NEGR1: variants seen among roughly 807,000 people sequenced by gnomAD.
NEGR1 encodes neuronal growth regulator 1, also known as IgLON family member 4.
Under a neutral mutation model 40.9 loss-of-function variants are expected in NEGR1, and 10 were observed. The observed-to-expected ratio is 0.24, with a 90% confidence interval of 0.15 to 0.42. The LOEUF (loss-of-function observed/expected upper bound fraction) is 0.42. Among genes scored for constraint, NEGR1 ranks in the 10% least tolerant of loss-of-function variants. The pLI is 1.00. For synonymous variants in NEGR1, 185 were observed against 166.8 expected (o/e 1.11, Z -0.84); for missense variants, 352 against 438.9 (o/e 0.80, Z 1.77).
intron 1 of NEGR1, among the ~76,000 whole-genome samples, chr1:71,968,801 T>A (rs550823516): frequency 6.6e-6 from 1 of 152,222 alleles, no homozygotes; most frequent in African/African-American, 2.4e-5. Context: ...GGCAAGTGAT[T>A]TTTTTAGATA....
chr1:71,455,176 A>G (rs551202553), intron 6 of NEGR1, among the ~76,000 whole-genome samples: 12 of 152,346 alleles, frequency 7.9e-5, no homozygotes, highest in African/African-American at 2.6e-4. Flanking sequence ...AATATTTTCT[A>G]CAATTCCAGG....
At chr1:71,689,555 G>A (rs1283474333) in intron 4 of NEGR1, among the ~76,000 whole-genome samples, 1 of 152,054 alleles carries the variant, frequency 6.6e-6, no homozygotes, top group African/African-American at 2.4e-5. Context: ...TTTTGAAAAA[G>A]CAGTTATGCT....
Position 71,520,142 on chromosome 1 carries a change from T to C in NEGR1, c.940+72675A>G, listed in dbSNP as rs566180155. Among the ~76,000 whole-genome samples the C allele has an allele frequency of 3.7e-4, 57 of 152,092 alleles. 1 individual carries two copies. Among genetic ancestry groups the C allele is most frequent in the Non-Finnish European group, 6.8e-4 (46 of 68,004 alleles). On this transcript the variant is annotated intron_variant, in intron 6 of 6. Coordinates refer to ENST00000357731, the MANE Select transcript of NEGR1 (RefSeq NM_173808.3). ...GTCAGACGAACTCTGACCATACTTA[T>C]TAGCTCTCTCAGCTTCAGATTCTTC...
rs146358912 is a variant in NEGR1 at position 71,813,483 on chromosome 1, G to T, written c.410-37186C>A. Among the ~76,000 whole-genome samples, 405 of 152,160 alleles carry T rather than the reference G, an allele frequency of 2.7e-3. 1 individual carries two copies. Among genetic ancestry groups the T allele is most frequent in the African/African-American group, 9.5e-3 (393 of 41,512 alleles). On this transcript the variant is annotated intron_variant, in intron 2 of 6. Transcript: ENST00000357731. ...AATTCTGTGAAGAATGTCAATGGTA[G>T]TTTAATGGAAATAGCATTGAATCTA...
chr1:71,722,445 G>A (rs1040118807), intron 3 of NEGR1, among the ~76,000 whole-genome samples: 2 of 151,860 alleles, frequency 1.3e-5, no homozygotes, highest in Non-Finnish European at 2.9e-5. Flanking sequence ...GTCATTAAGG[G>A]TATCTTATAC....
chr1:71,440,541 A>G (rs569685909), intron 6 of NEGR1, among the ~76,000 whole-genome samples: 6 of 152,224 alleles, frequency 3.9e-5, no homozygotes, highest in Non-Finnish European at 8.8e-5. Context: ...TGCAGTTATT[A>G]TATCACTTAT....
intron 3 of NEGR1, among the ~76,000 whole-genome samples, chr1:71,763,728 G>A (rs1656025136): frequency 1.4e-5 from 2 of 143,320 alleles, no homozygotes; most frequent in South Asian, 4.9e-4. Flanking sequence ...GAAAATAAAG[G>A]GCTGATGCAT....
intron 2 of NEGR1, among the ~76,000 whole-genome samples, chr1:71,818,752 G>T (rs2101772935): frequency 6.6e-6 from 1 of 151,858 alleles, no homozygotes; most frequent in Non-Finnish European, 1.5e-5. Flanking sequence ...ATCCAAGGAG[G>T]TAAATTTTTT....
At chr1:72,140,389 C>A (rs1381266706) in intron 1 of NEGR1, among the ~76,000 whole-genome samples, 2 of 151,988 alleles carry the variant, frequency 1.3e-5, no homozygotes, top group African/African-American at 4.8e-5. Context: ...TATCAAGATG[C>A]TGGCATCTGG....
chr1:71,899,243 C>T (rs757790479), intron 2 of NEGR1, among the ~76,000 whole-genome samples: 23 of 151,614 alleles, frequency 1.5e-4, no homozygotes, highest in Non-Finnish European at 2.4e-4. Context: ...GAATCCAGAA[C>T]GCAGATCTTA....
chr1:71,459,418 A>G (rs565729555), intron 6 of NEGR1, among the ~76,000 whole-genome samples: 1 of 152,328 alleles, frequency 6.6e-6, no homozygotes, highest in Admixed American at 6.5e-5. Flanking sequence ...AGTTCTAAGT[A>G]TGTCACTTCC....
chr1:72,014,957 T>C (rs1401286974), intron 1 of NEGR1, among the ~76,000 whole-genome samples: 1 of 152,080 alleles, frequency 6.6e-6, no homozygotes, highest in Non-Finnish European at 1.5e-5. Flanking sequence ...TTCAGGCATT[T>C]GGTTGTCATT....
chr1:71,481,959 T>C (rs1259282170), intron 6 of NEGR1, among the ~76,000 whole-genome samples: 1 of 151,852 alleles, frequency 6.6e-6, no homozygotes, highest in East Asian at 1.9e-4. Flanking sequence ...TACTTTAGTT[T>C]TTGGAAACTA....
At chr1:71,456,535 G>T (rs1464163147) in intron 6 of NEGR1, among the ~76,000 whole-genome samples, 1 of 152,152 alleles carries the variant, frequency 6.6e-6, no homozygotes, top group African/African-American at 2.4e-5. Flanking sequence ...GACTGTAAGG[G>T]TCCTGACTAT....
intron 1 of NEGR1, among the ~76,000 whole-genome samples, chr1:72,189,356 T>A (rs1652730881): frequency 6.6e-6 from 1 of 151,510 alleles, no homozygotes; most frequent in African/African-American, 2.4e-5. Context: ...TTACTCATAT[T>A]AATCTTATAC....
chr1:71,913,501 A>G (rs1314832066), intron 2 of NEGR1, among the ~76,000 whole-genome samples: 2 of 152,118 alleles, frequency 1.3e-5, no homozygotes, highest in Non-Finnish European at 2.9e-5. Context: ...TCACTTCTAA[A>G]CCCATATTTT....
At chr1:72,005,468 A>G (rs1409305029) in intron 1 of NEGR1, among the ~76,000 whole-genome samples, 1 of 152,176 alleles carries the variant, frequency 6.6e-6, no homozygotes, top group Non-Finnish European at 1.5e-5. Flanking sequence ...TATAATTTTT[A>G]AAGAATACGG....
chr1:72,023,890 T>C (rs17092139), intron 1 of NEGR1, among the ~76,000 whole-genome samples: 3,461 of 152,200 alleles, frequency 0.023, 119 homozygotes, highest in African/African-American at 0.079. Flanking sequence ...TGACACACTG[T>C]ACTGTTTAAA....
intron 1 of NEGR1, among the ~76,000 whole-genome samples, chr1:72,200,606 G>C (rs912135201): frequency 3.3e-5 from 5 of 151,836 alleles, no homozygotes; most frequent in African/African-American, 1.2e-4. Flanking sequence ...AAATGTACCC[G>C]TGTAAAAAAC....
Sources: gnomAD v4.1 joint callset for allele counts (sites outside exome capture counted in the v4.1 genomes callset) on GRCh38, gnomAD v4.1.1 for gene constraint, MANE v1.5 for transcripts, NCBI Gene and HGNC (gene_info 2026-07-23, HGNC 2026-07-21) for gene names.